The following RNF114 variants were observed in gnomAD, a reference collection of about 807,000 sequenced individuals.
The protein encoded by RNF114 is E3 ubiquitin-protein ligase RNF114.
Under a neutral mutation model 28.4 loss-of-function variants are expected in RNF114, and 6 were observed. That is an observed-to-expected ratio of 0.21 (90% CI 0.12 to 0.42). The LOEUF (loss-of-function observed/expected upper bound fraction) is 0.42, where lower values mean the gene tolerates loss of function less well. Ranked by LOEUF, RNF114 falls within the 10% of genes least tolerant of loss-of-function variation. The probability of loss-of-function intolerance (pLI) is 1.00; values close to 1 mark genes in which losing one functional copy is unlikely to be tolerated. For synonymous variants in RNF114, 115 were observed against 116.7 expected, an observed-to-expected ratio of 0.99 and a Z score of 0.09; for missense variants, 249 against 311.7, an observed-to-expected ratio of 0.80 and a Z score of 1.51.
At chr20:49,937,079 G>T (rs2090290170) in intron 1 of RNF114, among the ~76,000 whole-genome samples, 2 of 152,352 alleles carry the variant, frequency 1.3e-5, no homozygotes, top group South Asian at 4.1e-4. Flanking sequence ...GGGGGTGGGA[G>T]TTGGCAGATG....
intron 1 of RNF114, among the ~76,000 whole-genome samples, chr20:49,939,978 G>C (rs183432372): frequency 4.2e-4 from 63 of 150,916 alleles, no homozygotes; most frequent in African/African-American, 1.5e-3. Flanking sequence ...CGCTTGGACC[G>C]GGGAGGCAGA....
At chr20:49,949,453 T>A in intron 5 of RNF114, 98 bp downstream of exon 5, 1 of 995,646 alleles carries the variant, frequency 1.0e-6, no homozygotes, top group South Asian at 1.3e-5. Flanking sequence ...AGTGTTGAAC[T>A]TTGTCGCTGT....
chr20:49,941,403 A>G (rs2090307240), intron 1 of RNF114, among the ~76,000 whole-genome samples, 158 bp from the exon 2 acceptor site: 1 of 152,046 alleles, frequency 6.6e-6, no homozygotes, highest in Admixed American at 6.6e-5. Context: ...CCTATCCCTC[A>G]TTTTTTCTGG....
rs1010712898 is a variant in RNF114, at chr20:49,953,506, G to C, written c.*1365G>C. 1.3e-5 allele frequency: 2 copies of C among 152,124 alleles called. No homozygotes were observed. Among genetic ancestry groups the C allele is most frequent in the Non-Finnish European group, 2.9e-5 (2 of 68,036 alleles). The allele number at this position is 152,124 out of a possible 1,614,324, so 9.4% of individuals were successfully genotyped here. A position where few individuals can be genotyped will look rare whatever the true frequency, so the allele number is the denominator to read the frequency against. Reference sequence around the variant, plus strand: ...TTGTACACTGCTGCTGTGGGGCTCCGCGCCTGCCGGTGAAGAGCTGCAGAT... The same window carrying C: ...TTGTACACTGCTGCTGTGGGGCTCCCCGCCTGCCGGTGAAGAGCTGCAGAT... On this transcript the variant is annotated 3_prime_UTR_variant, in exon 6 of 6. Transcript: ENST00000244061.
rs1322273570 is a variant in RNF114 at position 49,952,446 on chromosome 20, C to T, written c.*305C>T. The T allele has an allele frequency of 1.9e-6, 1 of 519,810 alleles. No homozygotes were observed. Among genetic ancestry groups the T allele is most frequent in the South Asian group, 3.2e-5 (1 of 31,102 alleles). The allele number at this position is 519,810 out of a possible 1,614,324, so 32.2% of individuals were successfully genotyped here. ...TGTGGAAGATAATCTAGCTTCTCCA[C>T]CTCTTGTTTCACACTCATTCCTCCC... is the stretch of plus-strand genomic sequence containing the variant. On this transcript the variant is annotated 3_prime_UTR_variant, in exon 6 of 6. Transcript: ENST00000244061.
At chr20:49,948,144 T>C (rs1473648726) in intron 4 of RNF114, among the ~76,000 whole-genome samples, 1 of 152,032 alleles carries the variant, frequency 6.6e-6, no homozygotes, top group African/African-American at 2.4e-5. Context: ...CCATCTCCTT[T>C]TCAGTCTCTA....
chr20:49,943,708 G>T (rs1007164388), intron 2 of RNF114, among the ~76,000 whole-genome samples: 1 of 125,712 alleles, frequency 8.0e-6, no homozygotes, highest in East Asian at 2.3e-4. Context: ...GCCCAGGCTG[G>T]AGTACAGTGG....
rs71190519 is a variant in RNF114, at chr20:49,947,769, G to GTT, written c.514-1440_514-1439dup. 2.0e-3 allele frequency among the ~76,000 whole-genome samples: 101 copies of GTT among 50,472 alleles called. 19 individuals carry two copies. The highest frequency in any genetic ancestry group is 3.6e-3 in the African/African-American group (43 of 11,896). The allele number at this position is 50,472 out of a possible 152,430, so 33.1% of individuals were successfully genotyped here. ...GTTCTGTCTTCCTCTCCCTCTGCAA[G>GTT]TTTTTTTTTTTTTTTTTTTTTTTTT... On this transcript the variant is annotated intron_variant, in intron 4 of 5. Transcript: ENST00000244061.
rs1159609207 is a variant in RNF114 at position 49,945,494 on chromosome 20, T to G, written c.398+6T>G. 1 of 1,541,162 alleles carries G rather than the reference T, an allele frequency of 6.5e-7. No homozygotes were observed. Among genetic ancestry groups the G allele is most frequent in the East Asian group, 2.2e-5 (1 of 44,520 alleles). ...GATGCATCTCTTCAGCCAAGGTAAA[T>G]GACTCAGTCTCCCCTTAGGTGGAGG... On this transcript the variant is annotated splice_donor_region_variant and intron_variant, in intron 3 of 5. Coordinates refer to ENST00000244061, the MANE Select transcript of RNF114 (RefSeq NM_018683.4).
chr20:49,939,617 A>T (rs1293438683), intron 1 of RNF114, among the ~76,000 whole-genome samples: 1 of 152,158 alleles, frequency 6.6e-6, no homozygotes, highest in Non-Finnish European at 1.5e-5. Flanking sequence ...TCAGTAAGTT[A>T]TCAAGTCCTC....
rs2058995157 is a variant in RNF114 at position 49,952,164 on chromosome 20, G to A, written c.*23G>A. 2 of 1,605,748 alleles carry A rather than the reference G, an allele frequency of 1.2e-6. No homozygotes were observed. Among genetic ancestry groups the A allele is most frequent in the Non-Finnish European group, 1.7e-6 (2 of 1,172,326 alleles). Reference sequence around the variant, plus strand: ...TGAGCAGAGTCCGTGCTTGCTATCTGTCTCATGTTACAGAGCTTCCATTAC... The same window carrying A: ...TGAGCAGAGTCCGTGCTTGCTATCTATCTCATGTTACAGAGCTTCCATTAC... On this transcript the variant is annotated 3_prime_UTR_variant, in exon 6 of 6. Transcript: ENST00000244061.
chr20:49,937,524 C>T (rs546011444), intron 1 of RNF114, among the ~76,000 whole-genome samples: 2 of 152,244 alleles, frequency 1.3e-5, no homozygotes, highest in East Asian at 1.9e-4. Context: ...ACTGAGGGTC[C>T]GAGGCTCTCT....
intron 5 of RNF114, 89 bp downstream of exon 5, chr20:49,949,444 G>A (rs978698963): frequency 9.0e-7 from 1 of 1,110,836 alleles, no homozygotes; most frequent in Non-Finnish European, 1.4e-6. Context: ...GGGATCCCCA[G>A]TGTTGAACTT....
At chr20:49,946,713 T>C (rs1222877779) in intron 4 of RNF114, among the ~76,000 whole-genome samples, 1 of 152,154 alleles carries the variant, frequency 6.6e-6, no homozygotes, top group Non-Finnish European at 1.5e-5. Flanking sequence ...GGGTGCTACA[T>C]TAAGTCATGT....
At chr20:49,947,929 C>T (rs915497483) in intron 4 of RNF114, among the ~76,000 whole-genome samples, 5 of 151,342 alleles carry the variant, frequency 3.3e-5, no homozygotes, top group East Asian at 1.9e-4. Context: ...GTAGCTGGGA[C>T]TACAGGTGCG....
intron 1 of RNF114, chr20:49,941,002 G>C (rs1166858446): frequency 1.3e-5 from 2 of 152,580 alleles, no homozygotes; most frequent in East Asian, 3.8e-4. Context: ...GCCTCCCAAA[G>C]TGCTGGGATT....
At position 49,946,269 on chromosome 20, in the gene RNF114, T is replaced by TC. The variant is rs1428395743; in HGVS notation, c.513+19_513+20insC. On this transcript the variant is annotated intron_variant, in intron 4 of 5. Coordinates refer to ENST00000244061, the MANE Select transcript of RNF114 (RefSeq NM_018683.4). ...ATCTGTGGTGAGTAACCTTTTTTTT[T>TC]TTTTTTAAACTTCATTAAGGGAAAG... The TC allele has an allele frequency of 7.1e-7, 1 of 1,399,342 alleles. No individual in the cohort carries two copies. Among genetic ancestry groups the TC allele is most frequent in the South Asian group, 1.2e-5 (1 of 80,550 alleles). The allele number at this position is 1,399,342 out of a possible 1,614,324, so 86.7% of individuals were successfully genotyped here.
At chr20:49,949,934 C>T (rs867673737) in intron 5 of RNF114, among the ~76,000 whole-genome samples, 10 of 150,756 alleles carry the variant, frequency 6.6e-5, no homozygotes, top group East Asian at 6.1e-4. Context: ...TGAGCCACCA[C>T]GCCCGGCCCA....
rs907909317 is a variant in RNF114, at chr20:49,947,710, A to G, written c.513+1460A>G. 3.9e-5 allele frequency among the ~76,000 whole-genome samples: 5 copies of G among 129,862 alleles called. No individual in the cohort carries two copies. In the East Asian group the frequency reaches 1.2e-3, roughly 31 times the overall value. 85.2% of individuals were successfully genotyped at this position (129,862 alleles called of 152,430 possible). A position where few individuals can be genotyped will look rare whatever the true frequency, so the allele number is the denominator to read the frequency against. ...TGAAATCCCTCTGATTATGTTGTCTATGTTGAGGCCTTCTCTTCAGCCTTT... is the reference window on the plus strand; with the variant it reads ...TGAAATCCCTCTGATTATGTTGTCTGTGTTGAGGCCTTCTCTTCAGCCTTT... On this transcript the variant is annotated intron_variant, in intron 4 of 5. Transcript: ENST00000244061.
Sources: allele counts gnomAD v4.1 joint callset (sites outside exome capture counted in the v4.1 genomes callset), GRCh38; gene constraint gnomAD v4.1.1; transcripts MANE v1.5; gene names NCBI Gene and HGNC (gene_info 2026-07-23, HGNC 2026-07-21).